Variants in ASPM observed in about 807,000 individuals in gnomAD.
ASPM encodes the protein assembly factor for spindle microtubules, also known as abnormal spindle-like microcephaly-associated protein.
Under a neutral mutation model 366.4 loss-of-function variants are expected in ASPM, and 256 were observed. The observed-to-expected ratio is 0.70, with a 90% CI of 0.63 to 0.77. ASPM has a LOEUF of 0.77. ASPM is among the 30% of genes least tolerant of loss of function. The probability of loss-of-function intolerance (pLI) is 0.00; values close to 1 mark genes in which losing one functional copy is unlikely to be tolerated. For synonymous variants in ASPM, 1,414 were observed against 1,342.9 expected, an observed-to-expected ratio of 1.05 and a Z score of -1.16; for missense variants, 4,146 against 4,090.4, an observed-to-expected ratio of 1.01 and a Z score of -0.37.
intron 3 of ASPM, among the ~76,000 whole-genome samples, chr1:197,141,796 C>T (rs897484274): frequency 1.3e-5 from 2 of 152,106 alleles, no homozygotes; most frequent in African/African-American, 4.8e-5. Flanking sequence ...ATAGTAGGTA[C>T]CTTATCAGTC....
intron 12 of ASPM, among the ~76,000 whole-genome samples, 164 bp downstream of exon 12, chr1:197,124,706 C>CAT (rs1387371434): frequency 6.6e-6 from 1 of 151,132 alleles, no homozygotes; most frequent in Non-Finnish European, 1.5e-5. Flanking sequence ...TATATATACA[C>CAT]ATATATATAC....
chr1:197,109,206 C>CAA (rs10648756), intron 17 of ASPM, among the ~76,000 whole-genome samples: 119,056 of 151,742 alleles, frequency 0.78, 49,914 homozygotes, highest in East Asian at 1. Flanking sequence ...AAAATAATAA[C>CAA]ATGTCAACAA....
At chr1:197,121,223 G>C (rs1015224180) in intron 16 of ASPM, among the ~76,000 whole-genome samples, 2 of 152,006 alleles carry the variant, frequency 1.3e-5, no homozygotes, top group Non-Finnish European at 2.9e-5. Context: ...TGTTCAACTT[G>C]ATCAAGGAGG....
In ASPM at chr1:197,090,999, T is replaced by G; in HGVS notation, c.9487A>C (p.Lys3163Gln). 6.2e-7 allele frequency: 1 copy of G among 1,612,584 alleles called. No individual in the cohort carries two copies. Among genetic ancestry groups the G allele is most frequent in the Non-Finnish European group, 8.5e-7 (1 of 1,179,064 alleles). Residue 3163 changes from lysine to glutamine, a missense_variant, in exon 23 of 28, where the codon AAA (lysine) becomes CAA (glutamine). Transcript: ENST00000367409. The part of the protein sequence containing the change: ...ARLQEKRFIQ[K>Q]YHSIKKIEHE... ...TCAATCTTTTTGATGCTATGATATT[T>G]CTGAATAAATCTCTTTTCTTGTAAT...
In ASPM at chr1:197,121,882, TCA is replaced by T. The variant is rs758091226; in HGVS notation, c.3870+31_3870+32del. 2.5e-6 allele frequency: 4 copies of T among 1,575,242 alleles called. No homozygotes were observed. In the African/African-American group the frequency reaches 5.4e-5, roughly 21 times the overall value. On this transcript the variant is annotated intron_variant, in intron 16 of 27. Transcript: ENST00000367409. ...CAACAAATACCTTCTAAAGTATAAT[TCA>T]CACTATAGTAGTTTCATATTCTAGG... is the stretch of plus-strand genomic sequence containing the variant.
Position 197,102,665 on chromosome 1 carries a change from TGA to T in ASPM, c.6584_6585del (p.Leu2195HisfsTer15). The part of the protein sequence containing the change: ...TLRKMQTAAT[L>X]IQSNYRRYRQ... ...CTGTATCTTCTGTAGTTTGACTGAA[TGA>T]GTGTTGCTGCAGTCTGCATCTTTCT... On this transcript the variant is annotated frameshift_variant, in exon 18 of 28. Coordinates refer to ENST00000367409, the MANE Select transcript of ASPM (RefSeq NM_018136.5). LOFTEE classifies it high-confidence loss of function. 1 of 1,612,812 alleles carries T rather than the reference TGA, an allele frequency of 6.2e-7. No individual in the cohort carries two copies. Among genetic ancestry groups the T allele is most frequent in the Non-Finnish European group, 8.5e-7 (1 of 1,179,296 alleles).
chr1:197,122,367 A>T, intron 14 of ASPM, 21 bp downstream of exon 14: 1 of 1,613,642 alleles, frequency 6.2e-7, no homozygotes, highest in South Asian at 1.1e-5. Context: ...AAAATTGGAA[A>T]AGTAACCAAA....
At position 197,090,437 on chromosome 1, in the gene ASPM, T is replaced by C. The variant is rs778075041; in HGVS notation, c.9637-49A>G. ...TTTTAAGATTATAGCCAATGTTTTC[T>C]ATTTATATCTACATCTGTTTTCACA... On this transcript the variant is annotated intron_variant, in intron 23 of 27. Coordinates refer to ENST00000367409, the MANE Select transcript of ASPM (RefSeq NM_018136.5). 2.2e-6 allele frequency: 3 copies of C among 1,355,944 alleles called. No individual in the cohort carries two copies. The South Asian group carries it at 3.8e-5, about 17-fold the overall frequency. The allele number at this position is 1,355,944 out of a possible 1,614,324, so 84.0% of individuals were successfully genotyped here. A position where few individuals can be genotyped will look rare whatever the true frequency, so the allele number is the denominator to read the frequency against.
intron 4 of ASPM, among the ~76,000 whole-genome samples, chr1:197,136,338 T>C (rs1658419316): frequency 6.6e-6 from 1 of 152,144 alleles, no homozygotes; most frequent in African/African-American, 2.4e-5. Flanking sequence ...TAAAGGTAAA[T>C]ATATAAACAA....
rs1238542925 is a variant in ASPM, at chr1:197,096,125, T to C, written c.8860A>G (p.Lys2954Glu). The change falls in exon 19 of 28, where the codon AAA becomes GAA. Residue 2954 changes from lysine (K) to glutamate (E), a missense_variant. By Grantham distance (56) the Lys-to-Glu change is moderately conservative (BLOSUM62 1). This residue lies in a region of ASPM where 3,624 missense variants were observed against 3,591.7 expected (regional missense o/e 1.01). Coordinates refer to ENST00000367409, the MANE Select transcript of ASPM (RefSeq NM_018136.5). Reference sequence around the variant, plus strand: ...TGAATCTTGCAGGCAGCTTTCACTTTACATAAATATTTCTTGGCTCTATAT... The same window carrying C: ...TGAATCTTGCAGGCAGCTTTCACTTCACATAAATATTTCTTGGCTCTATAT... ...RRYRAKKYLC[K>E]VKAACKIQAW... 1.2e-6 allele frequency: 2 copies of C among 1,609,090 alleles called. No homozygotes were observed. Among genetic ancestry groups the C allele is most frequent in the Admixed American group, 1.7e-5 (1 of 59,862 alleles).
At chr1:197,092,118 T>C in intron 21 of ASPM, 62 bp from the exon 22 acceptor site, 1 of 1,539,192 alleles carries the variant, frequency 6.5e-7, no homozygotes, top group Non-Finnish European at 9.0e-7. Context: ...AATGAGTGTT[T>C]TTTTTTGTAT....
chr1:197,144,331 G>A (rs1209988024), intron 1 of ASPM, among the ~76,000 whole-genome samples: 1 of 152,076 alleles, frequency 6.6e-6, no homozygotes, highest in African/African-American at 2.4e-5. Context: ...AATCTTAACT[G>A]TATTAAAGCA....
rs114328711 is a variant in ASPM at position 197,122,955 on chromosome 1, T to A, written c.3391-360A>T. Among the ~76,000 whole-genome samples, 1,202 of 152,192 alleles carry A rather than the reference T, an allele frequency of 7.9e-3. 14 individuals carry two copies. Among genetic ancestry groups the A allele is most frequent in the African/African-American group, 0.027 (1,135 of 41,538 alleles). ...GTGGATTCTCGTTATTTGTGAATATTGAACCATTGCATAGAGGAGAAATAT... is the reference window on the plus strand; with the variant it reads ...GTGGATTCTCGTTATTTGTGAATATAGAACCATTGCATAGAGGAGAAATAT... On this transcript the variant is annotated intron_variant, in intron 13 of 27. Coordinates refer to ENST00000367409, the MANE Select transcript of ASPM (RefSeq NM_018136.5).
intron 7 of ASPM, among the ~76,000 whole-genome samples, chr1:197,130,864 A>G (rs570482245): frequency 6.6e-6 from 1 of 152,194 alleles, no homozygotes; most frequent in Non-Finnish European, 1.5e-5. Context: ...TTAGCTACAT[A>G]ATGTGCTTTG....
chr1:197,123,945 A>C (rs1460258378), intron 13 of ASPM, among the ~76,000 whole-genome samples, 165 bp downstream of exon 13: 2 of 152,174 alleles, frequency 1.3e-5, no homozygotes, highest in Non-Finnish European at 2.9e-5. Context: ...GTGATAGATT[A>C]GATGAAATAC....
chr1:197,126,056 T>C (rs1658081142), intron 10 of ASPM, among the ~76,000 whole-genome samples: 1 of 152,182 alleles, frequency 6.6e-6, no homozygotes, highest in African/African-American at 2.4e-5. Context: ...TATACAAGAT[T>C]GATCTCTTAA....
At chr1:197,122,323 G>C in intron 14 of ASPM, 22 bp from the exon 15 acceptor site, 1 of 1,613,662 alleles carries the variant, frequency 6.2e-7, no homozygotes, top group Non-Finnish European at 8.5e-7. Flanking sequence ...GAGGAAAGGA[G>C]AAATTAGCCG....
chr1:197,129,452 T>A (rs1255229116), intron 8 of ASPM, 135 bp from the exon 9 acceptor site: 7 of 963,336 alleles, frequency 7.3e-6, no homozygotes, highest in Non-Finnish European at 1.1e-5. Context: ...AAACACTATG[T>A]GCCTTTTTTA....
chr1:197,146,038 T>C, intron 1 of ASPM, 103 bp downstream of exon 1: 1 of 1,461,318 alleles, frequency 6.8e-7, no homozygotes, highest in Non-Finnish European at 9.6e-7. Context: ...CTAAGGGTCT[T>C]TTCTGATTTC....
Sources: allele counts gnomAD v4.1 joint callset (sites outside exome capture counted in the v4.1 genomes callset), GRCh38; gene constraint gnomAD v4.1.1; regional missense constraint gnomAD v4.1.1; transcripts MANE v1.5; gene names NCBI Gene and HGNC (gene_info 2026-07-23, HGNC 2026-07-21).